RELN: variants seen among roughly 807,000 people sequenced by gnomAD.
RELN encodes reelin.
In RELN, 108 loss-of-function variants were observed where a neutral mutation model predicts 427.6. That is an observed-to-expected ratio of 0.25 (90% CI 0.22 to 0.30). RELN has a LOEUF of 0.30. Ranked by LOEUF, RELN falls within the 10% of genes least tolerant of loss-of-function variation. The pLI is 1.00. For synonymous variants in RELN, 1,524 were observed against 1,513.4 expected, an observed-to-expected ratio of 1.01 and a Z score of -0.16; for missense variants, 3,715 against 4,302.8, an observed-to-expected ratio of 0.86 and a Z score of 3.82.
chr7:103,811,186 C>A (rs907571734), intron 3 of RELN, among the ~76,000 whole-genome samples: 1 of 152,160 alleles, frequency 6.6e-6, no homozygotes. Flanking sequence ...TATTATACTT[C>A]TCTCAGTGTT....
At chr7:103,599,535 C>T (rs1358581658) in intron 24 of RELN, among the ~76,000 whole-genome samples, 1 of 152,098 alleles carries the variant, frequency 6.6e-6, no homozygotes, top group Non-Finnish European at 1.5e-5. Flanking sequence ...TTGGCTCAGT[C>T]TGTGAGACTC....
At chr7:103,706,092 C>T (rs1363233958) in intron 8 of RELN, among the ~76,000 whole-genome samples, 1 of 152,012 alleles carries the variant, frequency 6.6e-6, no homozygotes, top group African/African-American at 2.4e-5. Flanking sequence ...GGCTATTTCC[C>T]TACTCTTTAC....
At chr7:103,659,924 G>C (rs1489999044) in intron 12 of RELN, among the ~76,000 whole-genome samples, 1 of 151,980 alleles carries the variant, frequency 6.6e-6, no homozygotes, top group African/African-American at 2.4e-5. Context: ...TGTTTTAATT[G>C]AATGAAGAGG....
chr7:103,838,358 T>C (rs1301087730), intron 2 of RELN, among the ~76,000 whole-genome samples: 1 of 151,646 alleles, frequency 6.6e-6, no homozygotes, highest in Non-Finnish European at 1.5e-5. Context: ...TATTCCACAG[T>C]ATAAAGTTGT....
At chr7:103,775,427 TTAGA>T (rs1482582576) in intron 4 of RELN, among the ~76,000 whole-genome samples, 2 of 152,218 alleles carry the variant, frequency 1.3e-5, no homozygotes, top group African/African-American at 2.4e-5. Flanking sequence ...ATCACGTTAC[TTAGA>T]TAAAGTCATA....
At position 103,640,978 on chromosome 7, in the gene RELN, A is replaced by T. The variant is rs1832683698; in HGVS notation, c.2003-369T>A. Among the ~76,000 whole-genome samples, 1 of 152,180 alleles carries T rather than the reference A, an allele frequency of 6.6e-6. No individual in the cohort carries two copies. Among genetic ancestry groups the T allele is most frequent in the South Asian group, 2.1e-4 (1 of 4,830 alleles). On this transcript the variant is annotated intron_variant, in intron 16 of 64. Coordinates refer to ENST00000428762, the MANE Select transcript of RELN (RefSeq NM_005045.4). This position sits in a 1 kb window ranked among gnomAD's most constrained non-coding sequence, Gnocchi z 4.1. ...AAGGACCAATCTGATATATCACAAT[A>T]TGGAGAAGTCACCCCATAATTTTCA...
intron 46 of RELN, among the ~76,000 whole-genome samples, chr7:103,534,530 C>A (rs1056919282): frequency 5.9e-5 from 9 of 151,954 alleles, no homozygotes; most frequent in Non-Finnish European, 1.3e-4. Flanking sequence ...CTCTGACACC[C>A]AAGCTGGAGT....
intron 1 of RELN, among the ~76,000 whole-genome samples, chr7:103,961,052 TC>T (rs1796542687): frequency 6.6e-6 from 1 of 152,236 alleles, no homozygotes; most frequent in African/African-American, 2.4e-5. Flanking sequence ...ACGTGTTTGG[TC>T]AGCAAAGTGC....
chr7:103,662,910 T>C (rs1340653522), intron 11 of RELN, among the ~76,000 whole-genome samples: 1 of 152,150 alleles, frequency 6.6e-6, no homozygotes, highest in Admixed American at 6.5e-5. Context: ...ATGCAGAACA[T>C]GCAGTCCTTC....
intron 4 of RELN, among the ~76,000 whole-genome samples, chr7:103,774,437 A>G (rs1563005706): frequency 6.6e-6 from 1 of 152,186 alleles, no homozygotes; most frequent in Non-Finnish European, 1.5e-5. Context: ...CAGTCTTGTC[A>G]TAAGAGATAT....
chr7:103,612,989 G>T (rs2117294557), intron 20 of RELN, among the ~76,000 whole-genome samples: 1 of 152,272 alleles, frequency 6.6e-6, no homozygotes, highest in South Asian at 2.1e-4. Context: ...AAGCAGTCTT[G>T]CAAATCCATT....
At chr7:103,796,895 GAAAGAAAGAAAAAGAA>G (rs796929283) in intron 3 of RELN, among the ~76,000 whole-genome samples, 1,513 of 105,666 alleles carry the variant, frequency 0.014, 52 homozygotes, top group African/African-American at 0.048. Flanking sequence ...AAAAAAAAAA[GAAAGAAAGAAAAAGAA>G]AAAGAAAAAG....
At chr7:103,975,510 GAGC>G (rs1439838948) in intron 1 of RELN, among the ~76,000 whole-genome samples, 1 of 114,140 alleles carries the variant, frequency 8.8e-6, no homozygotes, top group East Asian at 2.9e-4. Flanking sequence ...GGGAAGAATG[GAGC>G]AGTATTTATT....
rs1050212129 is a variant in RELN, at chr7:103,492,096, C to T, written c.9370-70G>A. On this transcript the variant is annotated intron_variant, in intron 57 of 64. Transcript: ENST00000428762. ...TACTGAATTCCATTAATTAAAATCCCATCCGTCCATTTATTACTCTGATAG... is the reference window on the plus strand; with the variant it reads ...TACTGAATTCCATTAATTAAAATCCTATCCGTCCATTTATTACTCTGATAG... The T allele has an allele frequency of 5.7e-6, 7 of 1,232,962 alleles. No individual in the cohort carries two copies. The East Asian group carries it at 1.2e-4, about 21-fold the overall frequency. 76.4% of individuals were successfully genotyped at this position (1,232,962 alleles called of 1,614,324 possible). A position where few individuals can be genotyped will look rare whatever the true frequency, so the allele number is the denominator to read the frequency against.
chr7:103,914,026 C>T (rs1292300886), intron 2 of RELN, among the ~76,000 whole-genome samples: 1 of 152,170 alleles, frequency 6.6e-6, no homozygotes, highest in Non-Finnish European at 1.5e-5. Flanking sequence ...ACCAATGATA[C>T]AGGGTTGCCT....
chr7:103,721,518 T>G (rs752948771), intron 8 of RELN, among the ~76,000 whole-genome samples: 4 of 152,126 alleles, frequency 2.6e-5, no homozygotes, highest in Non-Finnish European at 5.9e-5. Context: ...TCAAGTCTGT[T>G]GTAATTGGTA....
At chr7:103,763,879 T>C (rs1791362783) in intron 4 of RELN, among the ~76,000 whole-genome samples, 2 of 151,848 alleles carry the variant, frequency 1.3e-5, no homozygotes, top group Non-Finnish European at 2.9e-5. Flanking sequence ...TTGATCAATG[T>C]GTGAAAGGCC....
At chr7:103,645,048 A>G (rs1387582573) in intron 16 of RELN, among the ~76,000 whole-genome samples, 1 of 151,798 alleles carries the variant, frequency 6.6e-6, no homozygotes, top group Non-Finnish European at 1.5e-5. Flanking sequence ...TAAATGAAGA[A>G]GAAATAGTCT....
At chr7:103,901,766 C>T (rs1347927155) in intron 2 of RELN, among the ~76,000 whole-genome samples, 1 of 151,884 alleles carries the variant, frequency 6.6e-6, no homozygotes, top group Non-Finnish European at 1.5e-5. Flanking sequence ...GGACTGACTC[C>T]TAATAGATAC....
Sources: gnomAD v4.1 joint callset for allele counts (sites outside exome capture counted in the v4.1 genomes callset) on GRCh38, gnomAD v4.1.1 for gene constraint, Gnocchi (gnomAD v3.1) non-coding constraint, MANE v1.5 for transcripts, NCBI Gene and HGNC (gene_info 2026-07-23, HGNC 2026-07-21) for gene names.